Variants in CA8 observed in about 807,000 individuals in gnomAD.
The protein encoded by CA8 is carbonic anhydrase 8 (inactive).
CA8 carries 22 observed loss-of-function variants against 41.4 expected under a neutral mutation model. The ratio of observed to expected loss-of-function variants is 0.53; its 90% CI spans 0.38 to 0.76. The LOEUF (loss-of-function observed/expected upper bound fraction) is 0.76. CA8 is among the 30% of genes least tolerant of loss of function. The pLI, the probability that CA8 is intolerant of heterozygous loss-of-function variation, is 0.00. For missense variants in CA8, 270 were observed against 352.8 expected (o/e 0.77, Z 1.88); for synonymous variants, 121 against 130.6 (o/e 0.93, Z 0.50).
chr8:60,219,322 C>A (rs532559391), intron 7 of CA8, among the ~76,000 whole-genome samples: 1 of 152,204 alleles, frequency 6.6e-6, no homozygotes, highest in South Asian at 2.1e-4. Context: ...CCACACCCGG[C>A]TAATTTTGTA....
chr8:60,224,220 T>A (rs1807347431), intron 6 of CA8, among the ~76,000 whole-genome samples: 3 of 152,208 alleles, frequency 2.0e-5, no homozygotes, highest in Admixed American at 1.3e-4. Context: ...TAGCTGGGAT[T>A]ACAGGCATGA....
At chr8:60,215,522 C>T (rs1392838598) in intron 7 of CA8, among the ~76,000 whole-genome samples, 2 of 151,856 alleles carry the variant, frequency 1.3e-5, no homozygotes, top group South Asian at 2.1e-4. Flanking sequence ...AGAACTTACT[C>T]GTGTAACCAA....
At chr8:60,240,713 A>G (rs1017330124) in intron 3 of CA8, among the ~76,000 whole-genome samples, 2 of 131,730 alleles carry the variant, frequency 1.5e-5, no homozygotes, top group African/African-American at 7.1e-5. Context: ...GATTTTGCTT[A>G]ATTGCCTTCC....
rs1396780912 is a variant in CA8 at position 60,187,722 on chromosome 8, C to T, written c.*2299G>A. 3 of 152,142 alleles carry T rather than the reference C, an allele frequency of 2.0e-5. No individual in the cohort carries two copies. The highest frequency in any genetic ancestry group is 4.4e-5 in the Non-Finnish European group (3 of 68,006). 9.4% of individuals were successfully genotyped at this position (152,142 alleles called of 1,614,324 possible). ...TCAGAGGCACTTACATGTGTATAAGCTACATGAAAAATCATTTCACTTTGT... is the reference window on the plus strand; with the variant it reads ...TCAGAGGCACTTACATGTGTATAAGTTACATGAAAAATCATTTCACTTTGT... On this transcript the variant is annotated 3_prime_UTR_variant, in exon 9 of 9. Transcript: ENST00000317995.
intron 3 of CA8, among the ~76,000 whole-genome samples, chr8:60,249,431 C>A (rs956815973): frequency 1.2e-4 from 19 of 152,102 alleles, no homozygotes; most frequent in Non-Finnish European, 2.5e-4. Flanking sequence ...TGGAGAAATA[C>A]GATACTGAGC....
intron 1 of CA8, 90 bp from the exon 2 acceptor site, chr8:60,279,970 G>A: frequency 1.9e-6 from 2 of 1,044,522 alleles, no homozygotes; most frequent in Non-Finnish European, 2.8e-6. Context: ...TAGAACCCTT[G>A]ATATCATGAA....
intron 4 of CA8, among the ~76,000 whole-genome samples, chr8:60,229,106 T>C (rs897534515): frequency 6.6e-6 from 1 of 152,042 alleles, no homozygotes; most frequent in Non-Finnish European, 1.5e-5. Context: ...CCACTGGAAA[T>C]GCAAACCACT....
Position 60,206,316 on chromosome 8 carries a change from A to T in CA8, c.*35+2434T>A, listed in dbSNP as rs532892353. 1.6e-4 allele frequency among the ~76,000 whole-genome samples: 24 copies of T among 152,314 alleles called. No individual in the cohort carries two copies. In the South Asian group the frequency reaches 4.1e-3, roughly 26 times the overall value. ...AGAATATGAAGTATGTGAAATATAC[A>T]AAATCTCATAAACAACATTTCTCTG... On this transcript the variant is annotated intron_variant, in intron 8 of 8. Transcript: ENST00000317995.
chr8:60,220,049 T>C (rs1807192189), intron 7 of CA8, among the ~76,000 whole-genome samples: 1 of 151,898 alleles, frequency 6.6e-6, no homozygotes, highest in Admixed American at 6.6e-5. Context: ...ATATTTATGC[T>C]TGGTCCCTCT....
intron 2 of CA8, among the ~76,000 whole-genome samples, chr8:60,275,145 A>G (rs1463547537): frequency 6.6e-6 from 1 of 152,152 alleles, no homozygotes; most frequent in South Asian, 2.1e-4. Context: ...AGATAAACCA[A>G]TATAAGCAAC....
At chr8:60,279,943 T>C (rs1804356078) in intron 1 of CA8, 63 bp from the exon 2 acceptor site, 2 of 1,397,344 alleles carry the variant, frequency 1.4e-6, no homozygotes, top group South Asian at 2.5e-5. Context: ...AAATTTAACA[T>C]GTAAAAACTA....
intron 3 of CA8, among the ~76,000 whole-genome samples, chr8:60,234,843 C>G (rs529914909): frequency 6.6e-6 from 1 of 152,326 alleles, no homozygotes; most frequent in Admixed American, 6.5e-5. Flanking sequence ...TCTGATAAAC[C>G]TTCTTCTCTT....
intron 2 of CA8, among the ~76,000 whole-genome samples, chr8:60,269,270 G>C: frequency 6.6e-6 from 1 of 152,148 alleles, no homozygotes; most frequent in South Asian, 2.1e-4. Flanking sequence ...ATCTCAGAAG[G>C]GGTAGCCTTT....
intron 8 of CA8, among the ~76,000 whole-genome samples, chr8:60,202,415 A>G (rs529601442): frequency 9.9e-5 from 15 of 152,158 alleles, no homozygotes; most frequent in Admixed American, 7.9e-4. Flanking sequence ...AGTTGTTCTG[A>G]GGTGAAATGA....
chr8:60,234,571 A>G (rs1198266586), intron 3 of CA8, among the ~76,000 whole-genome samples: 1 of 152,218 alleles, frequency 6.6e-6, no homozygotes, highest in African/African-American at 2.4e-5. Flanking sequence ...TCTTTTTAAC[A>G]AAAGACAAAA....
chr8:60,190,957 T>TATATATATATATATAC (rs1554573722), intron 8 of CA8, among the ~76,000 whole-genome samples: 34 of 104,244 alleles, frequency 3.3e-4, no homozygotes, highest in African/African-American at 1.2e-3. Context: ...TATATATATA[T>TATATATATATATATAC]ACACACACAC....
At chr8:60,265,711 A>C in intron 3 of CA8, 1 of 561,974 alleles carries the variant, frequency 1.8e-6, no homozygotes, top group South Asian at 2.1e-5. Context: ...CTTTCTGGCC[A>C]TGTGCTCATG....
At chr8:60,192,985 A>G (rs113379181) in intron 8 of CA8, among the ~76,000 whole-genome samples, 8 of 138,938 alleles carry the variant, frequency 5.8e-5, no homozygotes, top group Admixed American at 1.4e-4. Context: ...ACCCCACCCC[A>G]TATGAACCCT....
At chr8:60,242,060 G>A (rs113292874) in intron 3 of CA8, among the ~76,000 whole-genome samples, 5 of 152,234 alleles carry the variant, frequency 3.3e-5, no homozygotes, top group African/African-American at 1.2e-4. Context: ...ACTGCTTCTG[G>A]CACTGGAAAT....
Sources: gnomAD v4.1 joint callset for allele counts (sites outside exome capture counted in the v4.1 genomes callset) on GRCh38, gnomAD v4.1.1 for gene constraint, MANE v1.5 for transcripts, NCBI Gene and HGNC (gene_info 2026-07-23, HGNC 2026-07-21) for gene names.